The following GAD2 variants were observed in gnomAD, a reference collection of about 807,000 sequenced individuals.
GAD2 encodes 65 kDa glutamic acid decarboxylase.
A neutral mutation model predicts 80.1 loss-of-function variants in GAD2; 22 were observed. That is an observed-to-expected ratio of 0.27 (90% CI 0.20 to 0.39). The LOEUF is 0.39. Ranked by LOEUF, GAD2 falls within the 10% of genes least tolerant of loss-of-function variation. The pLI is 1.00. For missense variants in GAD2, 624 were observed against 738.4 expected (o/e 0.85, Z 1.80); for synonymous variants, 274 against 256.9 (o/e 1.07, Z -0.64).
rs1268877231 is a variant in GAD2, at chr10:26,217,693, G to A, written c.136+24G>A. 2 of 1,610,220 alleles carry A rather than the reference G, an allele frequency of 1.2e-6. No individual in the cohort carries two copies. The highest frequency in any genetic ancestry group is 2.7e-5 in the African/African-American group (2 of 74,856). ...CGGTGAGTGCCCAGGGACCGGGGCG[G>A]CCAAGGTCGGCCCGCGGGGTCCAAG... On this transcript the variant is annotated intron_variant, in intron 2 of 15. Transcript: ENST00000376261. This position sits in a 1 kb window ranked among gnomAD's most constrained non-coding sequence, Gnocchi z 4.9.
At chr10:26,241,786 C>G (rs1844746268) in intron 7 of GAD2, among the ~76,000 whole-genome samples, 1 of 151,806 alleles carries the variant, frequency 6.6e-6, no homozygotes, top group Non-Finnish European at 1.5e-5. Flanking sequence ...GGGAAGAGGG[C>G]CTTTTGGCCC....
At chr10:26,236,425 C>T (rs1234889945) in intron 7 of GAD2, among the ~76,000 whole-genome samples, 1 of 151,986 alleles carries the variant, frequency 6.6e-6, no homozygotes, top group Non-Finnish European at 1.5e-5. Context: ...CTCAGCCTCC[C>T]AAGTAGCTGG....
At chr10:26,284,965 G>A (rs1237683071) in intron 12 of GAD2, among the ~76,000 whole-genome samples, 1 of 152,114 alleles carries the variant, frequency 6.6e-6, no homozygotes, top group African/African-American at 2.4e-5. Flanking sequence ...CTCTGAGGTG[G>A]TCTTCCTTAG....
intron 7 of GAD2, among the ~76,000 whole-genome samples, chr10:26,236,967 G>T (rs1014721388): frequency 1.3e-5 from 2 of 152,218 alleles, no homozygotes; most frequent in Non-Finnish European, 2.9e-5. Context: ...CCTCCCCATT[G>T]CCTCTCCTGG....
In GAD2 at chr10:26,270,692, C is replaced by G. The variant is rs879362882; in HGVS notation, c.1028C>G (p.Ala343Gly). ...ACAGCTGGAACCACCGTGTACGGAG[C>G]ATTTGACCCCCTCTTAGCTGTCGCT... is the stretch of plus-strand genomic sequence containing the variant. The part of the protein sequence containing the change: ...SATAGTTVYG[A>G]FDPLLAVADI... Residue 343 changes from alanine (A) to glycine (G), a missense_variant, in exon 10 of 16, where the codon GCA becomes GGA. Ala to Gly is a moderately conservative substitution (Grantham distance 60). Coordinates refer to ENST00000376261, the MANE Select transcript of GAD2 (RefSeq NM_001134366.2). 6 of 1,614,100 alleles carry G rather than the reference C, an allele frequency of 3.7e-6. No homozygotes were observed. Among genetic ancestry groups the G allele is most frequent in the Non-Finnish European group, 5.1e-6 (6 of 1,179,982 alleles).
Position 26,217,033 on chromosome 10 carries a change from G to T in GAD2, c.76+148G>T. The T allele has an allele frequency of 3.1e-6, 2 of 648,298 alleles. No individual in the cohort carries two copies. The highest frequency in any genetic ancestry group is 2.6e-6 in the Non-Finnish European group (1 of 377,926). The allele number at this position is 648,298 out of a possible 1,614,324, so 40.2% of individuals were successfully genotyped here. On this transcript the variant is annotated intron_variant, in intron 1 of 15. Transcript: ENST00000376261. This position sits in a 1 kb window ranked among gnomAD's most constrained non-coding sequence, Gnocchi z 4.9. ...CCTGCTTTTGGGCTAAGTCCTTGAC[G>T]GCCCAAGAGCTCAAGACCTCTACAG...
intron 8 of GAD2, among the ~76,000 whole-genome samples, chr10:26,251,040 C>T (rs7091779): frequency 0.3 from 44,905 of 147,652 alleles, 7,087 homozygotes; most frequent in African/African-American, 0.38. Context: ...CCACCATGCC[C>T]GGCATTTTTT....
At chr10:26,236,993 A>G (rs1844679953) in intron 7 of GAD2, among the ~76,000 whole-genome samples, 2 of 152,184 alleles carry the variant, frequency 1.3e-5, no homozygotes, top group African/African-American at 4.8e-5. Context: ...TTCCCATCGC[A>G]CTCAGAGAGG....
intron 8 of GAD2, among the ~76,000 whole-genome samples, chr10:26,253,139 T>C (rs1011674403): frequency 1.2e-4 from 19 of 152,192 alleles, no homozygotes; most frequent in African/African-American, 4.6e-4. Flanking sequence ...AAAAATGGAA[T>C]AAGATAAGGT....
intron 7 of GAD2, 87 bp from the exon 8 acceptor site, chr10:26,245,834 A>G (rs909595498): frequency 2.8e-6 from 3 of 1,066,274 alleles, no homozygotes; most frequent in Non-Finnish European, 4.1e-6. Context: ...AATGAAAGGA[A>G]AAAAGGAAAA....
chr10:26,250,809 A>G (rs1304133389), intron 8 of GAD2, among the ~76,000 whole-genome samples: 1 of 152,078 alleles, frequency 6.6e-6, no homozygotes, highest in African/African-American at 2.4e-5. Flanking sequence ...ATCATCGCTA[A>G]TACCACATTG....
intron 13 of GAD2, among the ~76,000 whole-genome samples, chr10:26,289,015 G>A (rs3847380): frequency 7.9e-5 from 12 of 152,072 alleles, no homozygotes; most frequent in African/African-American, 2.4e-4. Context: ...TGGAAACACC[G>A]CAAGTATCTA....
At chr10:26,277,615 A>G (rs944611816) in intron 11 of GAD2, among the ~76,000 whole-genome samples, 1 of 152,224 alleles carries the variant, frequency 6.6e-6, no homozygotes, top group African/African-American at 2.4e-5. Context: ...AGGACAGGAA[A>G]GAAGCTGAGT....
intron 8 of GAD2, among the ~76,000 whole-genome samples, chr10:26,249,370 G>A (rs1844851049): frequency 1.3e-5 from 2 of 152,198 alleles, no homozygotes; most frequent in Non-Finnish European, 2.9e-5. Flanking sequence ...GTGTTCCTCA[G>A]TAGCCGGTAC....
At chr10:26,225,283 A>C (rs7908975) in intron 6 of GAD2, among the ~76,000 whole-genome samples, 33,215 of 152,148 alleles carry the variant, frequency 0.22, 7,040 homozygotes, top group African/African-American at 0.56. Context: ...CCAGCCATTG[A>C]ATTCTAAGCT....
intron 7 of GAD2, among the ~76,000 whole-genome samples, chr10:26,231,759 T>A (rs953208917): frequency 1.3e-5 from 2 of 152,186 alleles, no homozygotes; most frequent in Non-Finnish European, 2.9e-5. Flanking sequence ...AAGATTCCGT[T>A]TCCTTGATGT....
At chr10:26,245,118 A>G (rs1352199383) in intron 7 of GAD2, among the ~76,000 whole-genome samples, 2 of 149,444 alleles carry the variant, frequency 1.3e-5, no homozygotes, top group Non-Finnish European at 3.0e-5. Context: ...GCACCATTGC[A>G]TGCCAGCCTG....
At chr10:26,268,358 C>G (rs1383439943) in intron 8 of GAD2, among the ~76,000 whole-genome samples, 1 of 151,764 alleles carries the variant, frequency 6.6e-6, no homozygotes, top group African/African-American at 2.4e-5. Context: ...GTCCCAGCTA[C>G]TCGGGAGGCT....
chr10:26,255,014 C>A (rs1221420463), intron 8 of GAD2, among the ~76,000 whole-genome samples: 2 of 152,136 alleles, frequency 1.3e-5, no homozygotes, highest in Non-Finnish European at 2.9e-5. Flanking sequence ...TATGAGACAC[C>A]GAAGTGAGAG....
Sources: allele counts gnomAD v4.1 joint callset (sites outside exome capture counted in the v4.1 genomes callset), GRCh38; gene constraint gnomAD v4.1.1; non-coding constraint Gnocchi (gnomAD v3.1); transcripts MANE v1.5; gene names NCBI Gene and HGNC (gene_info 2026-07-23, HGNC 2026-07-21).